Variants in DYDC1 observed in about 807,000 individuals in gnomAD.
DYDC1 encodes the protein DPY30 domain containing 1.
A neutral mutation model predicts 27.9 loss-of-function variants in DYDC1; 21 were observed. The ratio of observed to expected loss-of-function variants is 0.75; its 90% CI spans 0.53 to 1.08. The LOEUF is 1.08. Ranked by LOEUF, DYDC1 falls within the 50% of genes least tolerant of loss-of-function variation. DYDC1 has a pLI of 0.00. For synonymous variants in DYDC1, 67 were observed against 65.8 expected, an observed-to-expected ratio of 1.02 and a Z score of -0.09; for missense variants, 202 against 205.9, an observed-to-expected ratio of 0.98 and a Z score of 0.12.
At chr10:80,337,930 C>T (rs1364825309) in intron 6 of DYDC1, 3 of 306,636 alleles carry the variant, frequency 9.8e-6, no homozygotes, top group Non-Finnish European at 1.4e-5. Context: ...ATTATGTGGT[C>T]CCACTAACCA....
At chr10:80,337,505 AC>A in intron 6 of DYDC1, 1 of 928,082 alleles carries the variant, frequency 1.1e-6, no homozygotes, top group Non-Finnish European at 1.3e-6. Context: ...CCACACTGTT[AC>A]CAGATGGTCT....
Position 80,351,925 on chromosome 10 carries a change from T to C in DYDC1, c.225A>G (p.Lys75=). 6.2e-7 allele frequency: 1 copy of C among 1,614,200 alleles called. No individual in the cohort carries two copies. The highest frequency in any genetic ancestry group is 8.5e-7 in the Non-Finnish European group (1 of 1,180,034). ...CCTGCTGAAGTAAGAGCTCCTCTGC[T>C]TTGAGCCTCTCCATCATTTCCTGCT... ...LMEQEMMERL[K]AEELLLQQQQ... The change falls in exon 3 of 7, where the codon AAA becomes AAG. Residue 75 remains lysine (K), a synonymous_variant. Coordinates refer to ENST00000372202, the MANE Select transcript of DYDC1 (RefSeq NM_001269053.2).
chr10:80,345,314 C>T (rs539324874), intron 3 of DYDC1, among the ~76,000 whole-genome samples: 1 of 152,260 alleles, frequency 6.6e-6, no homozygotes, highest in South Asian at 2.1e-4. Context: ...CAAGATTTAA[C>T]TTTTTATTGT....
chr10:80,342,161 G>A, intron 4 of DYDC1, 108 bp downstream of exon 4: 2 of 1,029,190 alleles, frequency 1.9e-6, no homozygotes, highest in South Asian at 3.1e-5. Flanking sequence ...TATGTGGCAT[G>A]TCTTCAGACT....
chr10:80,336,109 A>T lies in DYDC1; in HGVS notation c.*47T>A. 7.7e-7 allele frequency: 1 copy of T among 1,297,516 alleles called. No individual in the cohort carries two copies. Among genetic ancestry groups the T allele is most frequent in the Non-Finnish European group, 1.1e-6 (1 of 917,164 alleles). The allele number at this position is 1,297,516 out of a possible 1,614,324, so 80.4% of individuals were successfully genotyped here. A position where few individuals can be genotyped will look rare whatever the true frequency, so the allele number is the denominator to read the frequency against. On this transcript the variant is annotated 3_prime_UTR_variant, in exon 7 of 7. Coordinates refer to ENST00000372202, the MANE Select transcript of DYDC1 (RefSeq NM_001269053.2). ...TACAAATTGGGAACCTCATGGTTTG[A>T]AATTTGAAACAAACAAAAACATTTA...
At chr10:80,351,706 T>C (rs1842988423) in intron 3 of DYDC1, among the ~76,000 whole-genome samples, 195 bp downstream of exon 3, 1 of 152,190 alleles carries the variant, frequency 6.6e-6, no homozygotes, top group African/African-American at 2.4e-5. Flanking sequence ...TATATGTGTA[T>C]ACAAGAATGC....
At chr10:80,336,091 T>G, downstream of DYDC1, 1 of 1,099,326 alleles carries the variant, frequency 9.1e-7, no homozygotes, top group Non-Finnish European at 1.4e-6. Context: ...AAATACAAAT[T>G]GGGAACCTCA....
At chr10:80,337,452 C>A (rs1842171589) in intron 6 of DYDC1, 1 of 984,842 alleles carries the variant, frequency 1.0e-6, no homozygotes, top group Admixed American at 6.1e-5. Context: ...TAGATTACTA[C>A]CTCCTAAGCC....
intron 6 of DYDC1, among the ~76,000 whole-genome samples, chr10:80,336,701 C>G (rs1294271864): frequency 6.6e-6 from 1 of 152,246 alleles, no homozygotes; most frequent in Non-Finnish European, 1.5e-5. Flanking sequence ...CCTGCTTCCT[C>G]TTATGTTCAT....
chr10:80,351,807 C>T (rs373484894), intron 3 of DYDC1, 94 bp downstream of exon 3: 1 of 1,093,590 alleles, frequency 9.1e-7, no homozygotes, highest in Admixed American at 2.2e-5. Flanking sequence ...ATCTAAATAA[C>T]TGGAGCTGGG....
intron 3 of DYDC1, 67 bp from the exon 4 acceptor site, chr10:80,342,428 C>A: frequency 6.7e-7 from 1 of 1,495,680 alleles, no homozygotes; most frequent in Non-Finnish European, 9.2e-7. Context: ...TTATACCCAC[C>A]TTCATTTCAG....
intron 3 of DYDC1, among the ~76,000 whole-genome samples, chr10:80,349,098 C>A (rs1365830507): frequency 1.3e-5 from 2 of 151,970 alleles, no homozygotes; most frequent in Non-Finnish European, 2.9e-5. Flanking sequence ...TCACCGCGTT[C>A]GCCAGGATGG....
intron 1 of DYDC1, among the ~76,000 whole-genome samples, chr10:80,353,665 C>T (rs546699703): frequency 1.3e-4 from 20 of 151,170 alleles, no homozygotes; most frequent in Admixed American, 3.9e-4. Flanking sequence ...TCCTGGCTAA[C>T]GGATCTCCTT....
intron 5 of DYDC1, 52 bp downstream of exon 5, chr10:80,339,045 T>C (rs1399032644): frequency 1.9e-6 from 2 of 1,043,604 alleles, no homozygotes; most frequent in South Asian, 3.4e-5. Flanking sequence ...AGCTTTACAT[T>C]CTAGGATACT....
Position 80,338,569 on chromosome 10 carries a change from T to C in DYDC1, c.402A>G (p.Glu134=). The C allele has an allele frequency of 6.5e-7, 1 of 1,541,474 alleles. No individual in the cohort carries two copies. Among genetic ancestry groups the C allele is most frequent in the Non-Finnish European group, 8.7e-7 (1 of 1,150,350 alleles). Residue 134 remains glutamate, a splice_region_variant and synonymous_variant, in exon 6 of 7, where the codon GAA becomes GAG. Transcript: ENST00000372202. ...GTGTTTTGCCTGAGTCTAGTGTTGC[T>C]TCCTACAATCAAAAAATTGATTTTT... The part of the protein sequence containing the change: ...VRNEDILHSE[E]ATLDSGKTLA...
chr10:80,337,931 C>A, intron 6 of DYDC1: 1 of 310,816 alleles, frequency 3.2e-6, no homozygotes, highest in Non-Finnish European at 4.7e-6. Flanking sequence ...TTATGTGGTC[C>A]CACTAACCAT....
At chr10:80,352,885 GT>G (rs1383725034) in intron 1 of DYDC1, among the ~76,000 whole-genome samples, 1 of 152,156 alleles carries the variant, frequency 6.6e-6, no homozygotes, top group Admixed American at 6.5e-5. Context: ...TTGATTCCAA[GT>G]TTACTTGATG....
chr10:80,341,899 C>T (rs1231025800), intron 4 of DYDC1, among the ~76,000 whole-genome samples: 1 of 151,998 alleles, frequency 6.6e-6, no homozygotes, highest in Non-Finnish European at 1.5e-5. Context: ...TGGTGCGTGC[C>T]TGTAATTCCA....
At position 80,339,086 on chromosome 10, in the gene DYDC1, T is replaced by C; in HGVS notation, c.399+11A>G. ...CATTTCACATAACATAGAATGACTT[T>C]TTCTTCTCACCTCTGAATGTAGAAT... On this transcript the variant is annotated intron_variant, in intron 5 of 6. Transcript: ENST00000372202. 7.2e-7 allele frequency: 1 copy of C among 1,385,690 alleles called. No homozygotes were observed. The highest frequency in any genetic ancestry group is 1.4e-5 in the South Asian group (1 of 69,610). The allele number at this position is 1,385,690 out of a possible 1,614,324, so 85.8% of individuals were successfully genotyped here.
Sources: gnomAD v4.1 joint callset for allele counts (sites outside exome capture counted in the v4.1 genomes callset) on GRCh38, gnomAD v4.1.1 for gene constraint, MANE v1.5 for transcripts, NCBI Gene and HGNC (gene_info 2026-07-23, HGNC 2026-07-21) for gene names.